MITF: variants seen among roughly 807,000 people sequenced by gnomAD.
MITF encodes the protein microphthalmia-associated transcription factor.
A neutral mutation model predicts 60.5 loss-of-function variants in MITF; 17 were observed. That is an observed-to-expected ratio of 0.28 (90% CI 0.19 to 0.42). The LOEUF (loss-of-function observed/expected upper bound fraction) is 0.42. MITF is among the 10% of genes least tolerant of loss of function. The pLI is 1.00. For missense variants in MITF, 622 were observed against 683.5 expected (o/e 0.91, Z 1.00); for synonymous variants, 260 against 248.5 (o/e 1.05, Z -0.43).
In MITF at chr3:69,849,210, C is replaced by T. The variant is rs574856375; in HGVS notation, c.105-29924C>T. Among the ~76,000 whole-genome samples the T allele has an allele frequency of 3.3e-5, 5 of 151,884 alleles. 1 individual carries two copies. The South Asian group carries it at 6.3e-4, about 19-fold the overall frequency. On this transcript the variant is annotated intron_variant, in intron 1 of 9. Transcript: ENST00000352241. ...CGATCTCCTGACCTCGTGATCCGCCCGCCTCGGCCTCCCAAAGTGCTGGGA... is the reference window on the plus strand; with the variant it reads ...CGATCTCCTGACCTCGTGATCCGCCTGCCTCGGCCTCCCAAAGTGCTGGGA...
intron 1 of MITF, among the ~76,000 whole-genome samples, chr3:69,799,216 A>G (rs2062878628): frequency 6.6e-6 from 1 of 152,214 alleles, no homozygotes. Context: ...GGGAGAATGC[A>G]TAGTGAGAAG....
At chr3:69,936,958 T>C (rs931600222) in intron 2 of MITF, 2 of 510,608 alleles carry the variant, frequency 3.9e-6, no homozygotes, top group Non-Finnish European at 6.8e-6. Flanking sequence ...TTTTTTTTTT[T>C]TTTTTTTGGC....
chr3:69,814,754 A>G (rs995033954), intron 1 of MITF, among the ~76,000 whole-genome samples: 4 of 152,146 alleles, frequency 2.6e-5, no homozygotes, highest in African/African-American at 9.7e-5. Context: ...GCATGTAAAA[A>G]GAAGGTGCAA....
chr3:69,807,808 T>G (rs1191211779), intron 1 of MITF, among the ~76,000 whole-genome samples: 1 of 152,156 alleles, frequency 6.6e-6, no homozygotes, highest in Non-Finnish European at 1.5e-5. Context: ...TCTCTAGACT[T>G]GATCTAAAGT....
intron 2 of MITF, among the ~76,000 whole-genome samples, chr3:69,881,860 G>A (rs1478830388): frequency 1.3e-5 from 2 of 151,784 alleles, no homozygotes; most frequent in African/African-American, 2.4e-5. Context: ...GAGTAAATTC[G>A]CTTAATTTTT....
chr3:69,833,486 T>C (rs1490087139), intron 1 of MITF, among the ~76,000 whole-genome samples: 4 of 152,328 alleles, frequency 2.6e-5, no homozygotes, highest in African/African-American at 9.6e-5. Context: ...ACACTGTATG[T>C]GGTTCCTTCC....
chr3:69,867,853 C>T (rs568199806), intron 1 of MITF, among the ~76,000 whole-genome samples: 2 of 152,218 alleles, frequency 1.3e-5, no homozygotes, highest in Admixed American at 6.5e-5. Context: ...AAATACTTGT[C>T]GTAAGAGCAT....
At position 69,937,962 on chromosome 3, in the gene MITF, C is replaced by G. The variant is rs373840246; in HGVS notation, c.495C>G (p.Gly165=). The change falls in exon 3 of 10, where the codon GGC becomes GGG. Residue 165 remains glycine (G), a synonymous_variant. Coordinates refer to ENST00000352241, the MANE Select transcript of MITF (RefSeq NM_001354604.2). ...GCTTGCCATGTCCAAACCAGCCTGG[C>G]GATCATGTCATGCCACCGGTGCCGG... ...VLSLPCPNQP[G]DHVMPPVPGS... The G allele has an allele frequency of 8.1e-6, 13 of 1,614,050 alleles. No homozygotes were observed. The highest frequency in any genetic ancestry group is 1.1e-5 in the Non-Finnish European group (13 of 1,180,024).
chr3:69,765,480 T>G (rs1484549171), intron 1 of MITF, among the ~76,000 whole-genome samples: 3 of 150,324 alleles, frequency 2.0e-5, no homozygotes, highest in Non-Finnish European at 4.5e-5. Flanking sequence ...CTGTGAAAAA[T>G]TTTTTTTTGA....
chr3:69,800,373 T>C (rs1228533619), intron 1 of MITF, among the ~76,000 whole-genome samples: 1 of 152,208 alleles, frequency 6.6e-6, no homozygotes, highest in East Asian at 1.9e-4. Context: ...TTTGAATTGC[T>C]TCCACTTTTG....
intron 3 of MITF, chr3:69,938,345 C>A: frequency 6.4e-7 from 1 of 1,570,948 alleles, no homozygotes; most frequent in Non-Finnish European, 8.6e-7. Flanking sequence ...TCTTCCATGC[C>A]TTTCAGTTTA....
At chr3:69,900,772 G>T (rs761617310) in intron 2 of MITF, among the ~76,000 whole-genome samples, 3 of 152,138 alleles carry the variant, frequency 2.0e-5, no homozygotes, top group Non-Finnish European at 4.4e-5. Flanking sequence ...AGGATGAGGA[G>T]CAATGCTCAA....
At chr3:69,960,757 A>T (rs1169483158) in intron 9 of MITF, among the ~76,000 whole-genome samples, 1 of 152,228 alleles carries the variant, frequency 6.6e-6, no homozygotes, top group African/African-American at 2.4e-5. Context: ...ATTGTGTTTC[A>T]CCTAGTGGTG....
chr3:69,863,557 C>T (rs903698928), intron 1 of MITF, among the ~76,000 whole-genome samples: 2 of 152,116 alleles, frequency 1.3e-5, no homozygotes, highest in African/African-American at 2.4e-5. Context: ...CCATTGGTTT[C>T]GTGATCAATA....
chr3:69,848,563 A>G (rs2063770062), intron 1 of MITF, among the ~76,000 whole-genome samples: 1 of 152,224 alleles, frequency 6.6e-6, no homozygotes, highest in Admixed American at 6.5e-5. Context: ...CACAATGAAG[A>G]AGAATCGAGT....
intron 1 of MITF, among the ~76,000 whole-genome samples, chr3:69,876,129 G>C (rs563327396): frequency 2.0e-5 from 3 of 151,922 alleles, no homozygotes; most frequent in African/African-American, 7.2e-5. Context: ...CGACTTTCAC[G>C]TATGAAGACT....
chr3:69,895,808 TTGTGTGTGTGTGTGTGTGTG>T (rs35088149), intron 2 of MITF, among the ~76,000 whole-genome samples: 4 of 140,052 alleles, frequency 2.9e-5, no homozygotes, highest in African/African-American at 1.1e-4. Flanking sequence ...TGTGGAGTGT[TTGTGTGTGTGTGTGTGTGTG>T]TGTGTGTGTG....
chr3:69,896,912 G>A (rs1224236286), intron 2 of MITF, among the ~76,000 whole-genome samples: 1 of 152,208 alleles, frequency 6.6e-6, no homozygotes, highest in African/African-American at 2.4e-5. Flanking sequence ...TATCCCTGTA[G>A]TGGTTTGTGT....
intron 3 of MITF, 133 bp from the exon 4 acceptor site, chr3:69,938,965 C>G (rs1268186467): frequency 6.5e-7 from 1 of 1,534,734 alleles, no homozygotes; most frequent in African/African-American, 1.4e-5. Context: ...ATTATTTCAT[C>G]TTTTGGTCAG....
Sources: gnomAD v4.1 joint callset for allele counts (sites outside exome capture counted in the v4.1 genomes callset) on GRCh38, gnomAD v4.1.1 for gene constraint, MANE v1.5 for transcripts, NCBI Gene and HGNC (gene_info 2026-07-23, HGNC 2026-07-21) for gene names.